The following CNTNAP2 variants were observed in gnomAD, a reference collection of about 807,000 sequenced individuals.
The protein encoded by CNTNAP2 is contactin-associated protein-like 2.
In CNTNAP2, 98 loss-of-function variants were observed where a neutral mutation model predicts 155.2. The observed-to-expected ratio is 0.63, with a 90% CI of 0.54 to 0.75. CNTNAP2 has a LOEUF of 0.75. CNTNAP2 is among the 30% of genes least tolerant of loss of function. CNTNAP2 has a pLI of 0.00. For synonymous variants in CNTNAP2, 651 were observed against 631.2 expected (o/e 1.03, Z -0.47); for missense variants, 1,727 against 1,688.1 (o/e 1.02, Z -0.40).
intron 13 of CNTNAP2, among the ~76,000 whole-genome samples, chr7:147,655,452 A>G (rs1410667696): frequency 6.6e-6 from 1 of 151,948 alleles, no homozygotes; most frequent in Non-Finnish European, 1.5e-5. Flanking sequence ...CTTGAAAGTC[A>G]AAATTACTCC....
intron 13 of CNTNAP2, among the ~76,000 whole-genome samples, chr7:147,866,925 A>T (rs1043715484): frequency 6.6e-6 from 1 of 152,132 alleles, no homozygotes; most frequent in African/African-American, 2.4e-5. Context: ...GTGTCTTTTA[A>T]CTGGGGCTTT....
At chr7:148,231,600 T>C (rs1186143123) in intron 20 of CNTNAP2, among the ~76,000 whole-genome samples, 1 of 152,106 alleles carries the variant, frequency 6.6e-6, no homozygotes, top group East Asian at 1.9e-4. Flanking sequence ...ACTGGATTAA[T>C]TACCTCTTAC....
chr7:146,719,191 C>T (rs925284278), intron 1 of CNTNAP2, among the ~76,000 whole-genome samples: 1 of 152,140 alleles, frequency 6.6e-6, no homozygotes, highest in Non-Finnish European at 1.5e-5. Flanking sequence ...TCACATCATT[C>T]TGTCTGCCCC....
intron 1 of CNTNAP2, among the ~76,000 whole-genome samples, chr7:146,201,703 A>C (rs561366138): frequency 1.3e-5 from 2 of 151,692 alleles, no homozygotes; most frequent in Non-Finnish European, 2.9e-5. Context: ...TTATTAAGGA[A>C]GAACTGAAAA....
chr7:147,418,487 A>G (rs1277110831), intron 10 of CNTNAP2, among the ~76,000 whole-genome samples: 1 of 152,148 alleles, frequency 6.6e-6, no homozygotes, highest in African/African-American at 2.4e-5. Context: ...ATCTTACACA[A>G]TTTATTATTT....
At chr7:148,282,319 G>C (rs1284973024) in intron 21 of CNTNAP2, among the ~76,000 whole-genome samples, 1 of 152,174 alleles carries the variant, frequency 6.6e-6, no homozygotes. Context: ...TGAACATTGA[G>C]GGTCAGGCTC....
At chr7:147,618,665 A>G (rs995426885) in intron 12 of CNTNAP2, among the ~76,000 whole-genome samples, 4 of 148,468 alleles carry the variant, frequency 2.7e-5, no homozygotes, top group Non-Finnish European at 4.4e-5. Flanking sequence ...CAGCTATTAT[A>G]TATATAATAA....
intron 1 of CNTNAP2, among the ~76,000 whole-genome samples, chr7:146,194,270 G>C (rs1276913802): frequency 6.6e-6 from 1 of 152,164 alleles, no homozygotes; most frequent in Non-Finnish European, 1.5e-5. Context: ...TGCTAAAAAA[G>C]ACATACCTGA....
chr7:147,521,169 C>T (rs987711966), intron 11 of CNTNAP2, among the ~76,000 whole-genome samples: 7 of 152,190 alleles, frequency 4.6e-5, no homozygotes, highest in Non-Finnish European at 2.9e-5. Context: ...GCATTCCAAC[C>T]AAATGGTCTG....
intron 1 of CNTNAP2, among the ~76,000 whole-genome samples, chr7:146,380,157 C>T (rs990661520): frequency 2.6e-5 from 4 of 152,262 alleles, no homozygotes; most frequent in African/African-American, 9.6e-5. Context: ...TGAGAACAAT[C>T]AGTCTCATAA....
Position 147,277,851 on chromosome 7 carries a change from C to T in CNTNAP2, c.1349-22290C>T, listed in dbSNP as rs1240909970. 2.0e-5 allele frequency among the ~76,000 whole-genome samples: 3 copies of T among 150,952 alleles called. No individual in the cohort carries two copies. In the Admixed American group the frequency reaches 2.0e-4, roughly 10 times the overall value. On this transcript the variant is annotated intron_variant, in intron 8 of 23. Transcript: ENST00000361727. Reference sequence around the variant, plus strand: ...TTCCTTTTCTTTCTTTTTAAGTAAACAACATTTAAAAGATAATAGTAAATG... The same window carrying T: ...TTCCTTTTCTTTCTTTTTAAGTAAATAACATTTAAAAGATAATAGTAAATG...
intron 9 of CNTNAP2, among the ~76,000 whole-genome samples, chr7:147,336,911 T>C (rs984936702): frequency 2.0e-5 from 3 of 152,130 alleles, no homozygotes; most frequent in African/African-American, 4.8e-5. Context: ...CAAAGGGACA[T>C]TGGCAGAATT....
chr7:147,113,361 C>G (rs1800921487), intron 5 of CNTNAP2, among the ~76,000 whole-genome samples: 1 of 151,504 alleles, frequency 6.6e-6, no homozygotes, highest in African/African-American at 2.4e-5. Flanking sequence ...AGCTAATGGA[C>G]TATTTTATTA....
intron 1 of CNTNAP2, among the ~76,000 whole-genome samples, chr7:146,395,826 G>GATAGATAGAGGAGA (rs1563068432): frequency 1.7e-5 from 2 of 116,770 alleles, no homozygotes; most frequent in South Asian, 2.9e-4. Flanking sequence ...GATAGATAGA[G>GATAGATAGAGGAGA]GAGAGAGAGA....
chr7:146,449,063 T>A (rs1796442185), intron 1 of CNTNAP2, among the ~76,000 whole-genome samples: 1 of 152,146 alleles, frequency 6.6e-6, no homozygotes, highest in Non-Finnish European at 1.5e-5. Flanking sequence ...GATACCATTC[T>A]TTCTTCTAAT....
chr7:146,650,101 G>A (rs138763239), intron 1 of CNTNAP2, among the ~76,000 whole-genome samples: 79 of 152,184 alleles, frequency 5.2e-4, no homozygotes, highest in African/African-American at 1.9e-3. Flanking sequence ...TGGTGGGAGT[G>A]TAATTTGTCT....
At chr7:146,217,725 G>A (rs1414638712) in intron 1 of CNTNAP2, among the ~76,000 whole-genome samples, 1 of 152,056 alleles carries the variant, frequency 6.6e-6, no homozygotes, top group Admixed American at 6.6e-5. Context: ...CTGGGTGGGG[G>A]GATTGAGACT....
chr7:146,138,853 C>A (rs922030412), intron 1 of CNTNAP2, among the ~76,000 whole-genome samples: 1 of 151,660 alleles, frequency 6.6e-6, no homozygotes, highest in Admixed American at 6.6e-5. Context: ...TTAACCCAAC[C>A]ACAGTGTAAA....
chr7:147,880,854 GGTGT>G (rs71183032), intron 13 of CNTNAP2, among the ~76,000 whole-genome samples: 2,006 of 143,134 alleles, frequency 0.014, 31 homozygotes, highest in South Asian at 0.064. Flanking sequence ...ATTGGAGTTG[GGTGT>G]GTGTGTGTGT....
Sources: allele counts gnomAD v4.1 joint callset (sites outside exome capture counted in the v4.1 genomes callset), GRCh38; gene constraint gnomAD v4.1.1; transcripts MANE v1.5; gene names NCBI Gene and HGNC (gene_info 2026-07-23, HGNC 2026-07-21).